Variants in ULK4 observed in about 807,000 individuals in gnomAD.
The protein encoded by ULK4 is unc-51 like kinase 4.
Under a neutral mutation model 160.6 loss-of-function variants are expected in ULK4, and 133 were observed. The ratio of observed to expected loss-of-function variants is 0.83; its 90% CI spans 0.72 to 0.96. ULK4 has a LOEUF of 0.96. ULK4 is among the 40% of genes least tolerant of loss of function. ULK4 has a pLI of 0.00. For synonymous variants in ULK4, 534 were observed against 539.8 expected, an observed-to-expected ratio of 0.99 and a Z score of 0.15; for missense variants, 1,580 against 1,499.5, an observed-to-expected ratio of 1.05 and a Z score of -0.89.
At chr3:41,427,032 G>T (rs2082792355) in intron 34 of ULK4, among the ~76,000 whole-genome samples, 1 of 151,938 alleles carries the variant, frequency 6.6e-6, no homozygotes, top group Non-Finnish European at 1.5e-5. Context: ...AAATAAAGAA[G>T]AAAAGAGAGT....
At chr3:41,775,186 C>T (rs151058832) in intron 21 of ULK4, among the ~76,000 whole-genome samples, 18,547 of 148,612 alleles carry the variant, frequency 0.12, 1,525 homozygotes, top group Middle Eastern at 0.26. Flanking sequence ...CAAACGTGCA[C>T]GTTGTGCACA....
intron 34 of ULK4, among the ~76,000 whole-genome samples, chr3:41,430,092 A>G (rs773781374): frequency 1.1e-3 from 167 of 152,212 alleles, no homozygotes; most frequent in Non-Finnish European, 2.0e-3. Context: ...ATGAAAACAA[A>G]TAGGAGATAA....
chr3:41,425,242 T>A (rs575207418), intron 34 of ULK4, among the ~76,000 whole-genome samples: 1 of 151,796 alleles, frequency 6.6e-6, no homozygotes, highest in East Asian at 1.9e-4. Flanking sequence ...CAGACAAGAT[T>A]AGAGAAAAAA....
At chr3:41,639,742 T>C (rs9828875) in intron 30 of ULK4, among the ~76,000 whole-genome samples, 66,986 of 151,936 alleles carry the variant, frequency 0.44, 17,843 homozygotes, top group African/African-American at 0.75. Flanking sequence ...AATAAATACA[T>C]GTATCTGTCA....
chr3:41,381,565 CTA>C (rs1384631665), intron 35 of ULK4, among the ~76,000 whole-genome samples: 2 of 152,322 alleles, frequency 1.3e-5, no homozygotes, highest in East Asian at 3.9e-4. Context: ...TCATCTTTGA[CTA>C]TTTCTTTCAT....
At chr3:41,377,097 C>A (rs2081519307) in intron 35 of ULK4, among the ~76,000 whole-genome samples, 1 of 152,044 alleles carries the variant, frequency 6.6e-6, no homozygotes, top group Admixed American at 6.5e-5. Context: ...TGATCTTTGA[C>A]AAACCTGACA....
intron 35 of ULK4, among the ~76,000 whole-genome samples, chr3:41,365,993 GATCTGTT>G (rs2081245911): frequency 6.6e-6 from 1 of 152,192 alleles, no homozygotes; most frequent in Admixed American, 6.5e-5. Context: ...AACAAAGGGT[GATCTGTT>G]AATTATATGT....
chr3:41,511,541 G>C (rs938476168), intron 32 of ULK4, among the ~76,000 whole-genome samples: 1 of 152,114 alleles, frequency 6.6e-6, no homozygotes, highest in African/African-American at 2.4e-5. Flanking sequence ...AAACCTAGAG[G>C]AGATGGATAA....
At chr3:41,340,427 T>A (rs971845322) in intron 35 of ULK4, among the ~76,000 whole-genome samples, 1 of 152,246 alleles carries the variant, frequency 6.6e-6, no homozygotes, top group African/African-American at 2.4e-5. Flanking sequence ...GCACTGGCTA[T>A]GTGACCTTGG....
intron 32 of ULK4, among the ~76,000 whole-genome samples, chr3:41,524,887 A>C (rs2086059768): frequency 6.6e-6 from 1 of 152,074 alleles, no homozygotes; most frequent in South Asian, 2.1e-4. Context: ...GCAGTGAGCC[A>C]AGATCGCGTC....
At chr3:41,916,934 T>C (rs1038089964) in intron 7 of ULK4, among the ~76,000 whole-genome samples, 20 of 151,908 alleles carry the variant, frequency 1.3e-4, no homozygotes, top group African/African-American at 4.8e-4. Flanking sequence ...TCGTGAACTC[T>C]TGACCTCAGG....
At chr3:41,718,757 T>C (rs1012993367) in intron 22 of ULK4, among the ~76,000 whole-genome samples, 6 of 152,360 alleles carry the variant, frequency 3.9e-5, no homozygotes, top group Admixed American at 2.0e-4. Context: ...CCATTGTAAA[T>C]TGGAGTTTTA....
chr3:41,354,803 A>T (rs920618759), intron 35 of ULK4, among the ~76,000 whole-genome samples: 2 of 152,208 alleles, frequency 1.3e-5, no homozygotes, highest in African/African-American at 4.8e-5. Context: ...TTCATTACAG[A>T]CACATGTAAT....
intron 35 of ULK4, among the ~76,000 whole-genome samples, chr3:41,321,769 A>G (rs1217588568): frequency 6.9e-6 from 1 of 144,390 alleles, no homozygotes; most frequent in Non-Finnish European, 1.5e-5. Context: ...TTGGTAAGGG[A>G]AAAACGCCTC....
intron 22 of ULK4, among the ~76,000 whole-genome samples, chr3:41,740,040 A>G (rs1370873454): frequency 6.6e-6 from 1 of 151,842 alleles, no homozygotes; most frequent in African/African-American, 2.4e-5. Context: ...AACTATCAGT[A>G]TTTCCTTTTA....
intron 32 of ULK4, among the ~76,000 whole-genome samples, chr3:41,522,985 C>A (rs2085985486): frequency 6.6e-6 from 1 of 152,116 alleles, no homozygotes; most frequent in Non-Finnish European, 1.5e-5. Context: ...GATCTCTGCT[C>A]ACTGTAACCT....
intron 34 of ULK4, among the ~76,000 whole-genome samples, chr3:41,441,886 TTTGA>T (rs2083178786): frequency 6.6e-6 from 1 of 152,214 alleles, no homozygotes; most frequent in East Asian, 1.9e-4. Flanking sequence ...GTTAGGTCTA[TTTGA>T]TTGACTATCG....
At chr3:41,939,128 G>T (rs1699872288) in intron 2 of ULK4, among the ~76,000 whole-genome samples, 1 of 150,548 alleles carries the variant, frequency 6.6e-6, no homozygotes, top group Non-Finnish European at 1.5e-5. Context: ...TCAAAAACTA[G>T]AAGGAAACAA....
chr3:41,257,632 C>CA (rs11360973), intron 35 of ULK4, among the ~76,000 whole-genome samples: 1,502 of 127,770 alleles, frequency 0.012, 13 homozygotes, highest in South Asian at 0.035. Flanking sequence ...GACTATGTCT[C>CA]AAAAAAAAAA....
Sources: allele counts gnomAD v4.1 joint callset (sites outside exome capture counted in the v4.1 genomes callset), GRCh38; gene constraint gnomAD v4.1.1; transcripts MANE v1.5; gene names NCBI Gene and HGNC (gene_info 2026-07-23, HGNC 2026-07-21).